RPTOR: variants seen among roughly 807,000 people sequenced by gnomAD.
RPTOR encodes regulatory associated protein of MTOR complex 1.
A neutral mutation model predicts 169.9 loss-of-function variants in RPTOR; 21 were observed. The observed-to-expected ratio is 0.12, with a 90% confidence interval of 0.09 to 0.18. RPTOR has a LOEUF of 0.18. Ranked by LOEUF, RPTOR falls within the 10% of genes least tolerant of loss-of-function variation. RPTOR has a pLI of 1.00. For missense variants in RPTOR, 1,133 were observed against 1,855.9 expected (o/e 0.61, Z 7.16); for synonymous variants, 732 against 753.2 (o/e 0.97, Z 0.46).
intron 3 of RPTOR, among the ~76,000 whole-genome samples, chr17:80,660,144 G>A (rs139087466): frequency 7.9e-5 from 12 of 152,000 alleles, no homozygotes; most frequent in African/African-American, 1.9e-4. Flanking sequence ...GGTGGTGGGC[G>A]CCTGTAATCC....
At chr17:80,723,272 T>G (rs2066302694) in intron 4 of RPTOR, among the ~76,000 whole-genome samples, 1 of 151,238 alleles carries the variant, frequency 6.6e-6, no homozygotes, top group South Asian at 2.1e-4. Flanking sequence ...ATCCTGTTTC[T>G]CCTTAAACTG....
At chr17:80,887,409 G>A (rs1004590146) in intron 17 of RPTOR, among the ~76,000 whole-genome samples, 6 of 151,872 alleles carry the variant, frequency 4.0e-5, no homozygotes, top group Non-Finnish European at 7.4e-5. Context: ...CCAGGGGTGC[G>A]CCTCCATCCT....
intron 3 of RPTOR, among the ~76,000 whole-genome samples, chr17:80,654,472 A>G (rs1003414303): frequency 1.3e-5 from 2 of 152,224 alleles, no homozygotes; most frequent in Non-Finnish European, 2.9e-5. Context: ...CCTCCGTGTA[A>G]CTGGCCCATC....
At chr17:80,862,583 C>A (rs1373577229) in intron 13 of RPTOR, among the ~76,000 whole-genome samples, 2 of 150,486 alleles carry the variant, frequency 1.3e-5, no homozygotes, top group African/African-American at 5.0e-5. Flanking sequence ...CCTCGTGTTG[C>A]TGGTGGTCCT....
rs1324036607 is a variant in RPTOR, at chr17:80,936,007, T to A, written c.2920-4489T>A. ...ATACATAACCCTCAAAATTCCATGA[T>A]AAAGGAAATAAGCAGCCCAATTAAA... On this transcript the variant is annotated intron_variant, in intron 24 of 33. Coordinates refer to ENST00000306801, the MANE Select transcript of RPTOR (RefSeq NM_020761.3). This position sits in a 1 kb window ranked among gnomAD's most constrained non-coding sequence, Gnocchi z 4.1. Among the ~76,000 whole-genome samples the A allele has an allele frequency of 6.6e-6, 1 of 152,038 alleles. No individual in the cohort carries two copies. The highest frequency in any genetic ancestry group is 2.4e-5 in the African/African-American group (1 of 41,396).
At chr17:80,806,872 A>C (rs1029434020) in intron 7 of RPTOR, among the ~76,000 whole-genome samples, 15 of 152,082 alleles carry the variant, frequency 9.9e-5, no homozygotes, top group Non-Finnish European at 1.5e-5. Flanking sequence ...TGTTGAAGAA[A>C]TAATTTTGAC....
chr17:80,821,625 CCACCT>C (rs1306240588), intron 7 of RPTOR, among the ~76,000 whole-genome samples: 3 of 152,182 alleles, frequency 2.0e-5, no homozygotes, highest in African/African-American at 7.2e-5. Context: ...CCGTCACTTG[CCACCT>C]CTAATGTGTG....
At chr17:80,640,713 A>G (rs1289991305) in intron 2 of RPTOR, among the ~76,000 whole-genome samples, 1 of 152,126 alleles carries the variant, frequency 6.6e-6, no homozygotes, top group Non-Finnish European at 1.5e-5. Flanking sequence ...CCTCCTGCCA[A>G]CACTGGGGAG....
intron 21 of RPTOR, among the ~76,000 whole-genome samples, chr17:80,913,943 T>G (rs1183985304): frequency 2.0e-5 from 3 of 152,210 alleles, no homozygotes; most frequent in Non-Finnish European, 4.4e-5. Context: ...ACTGCTTATA[T>G]TATAATTTAT....
intron 19 of RPTOR, among the ~76,000 whole-genome samples, chr17:80,893,493 G>A (rs1282888277): frequency 4.8e-5 from 7 of 147,194 alleles, no homozygotes; most frequent in South Asian, 2.2e-4. Flanking sequence ...GGGTGTGTGC[G>A]CCAGGGTGTG....
In RPTOR at chr17:80,949,468, G is replaced by T; in HGVS notation, c.3291G>T (p.Lys1097Asn). The change falls in exon 28 of 34, where the codon AAG becomes AAT. Residue 1097 changes from lysine (K) to asparagine (N), a missense_variant. Lys to Asn is a moderately conservative substitution (Grantham distance 94). Coordinates refer to ENST00000306801, the MANE Select transcript of RPTOR (RefSeq NM_020761.3). ...ACGATGGTGCCATCAGGGTCTGGAA[G>T]AATTTTGCTGATTTGGAAAAGAACC... Reference protein sequence around the residue: ...ATDDGAIRVWKNFADLEKNPE... With the variant: ...ATDDGAIRVWNNFADLEKNPE... 6.2e-7 allele frequency: 1 copy of T among 1,614,160 alleles called. No homozygotes were observed. Among genetic ancestry groups the T allele is most frequent in the Non-Finnish European group, 8.5e-7 (1 of 1,180,006 alleles).
At chr17:80,893,593 T>C (rs2068361166) in intron 19 of RPTOR, 114 bp from the exon 20 acceptor site, 1 of 1,374,410 alleles carries the variant, frequency 7.3e-7, no homozygotes, top group Admixed American at 2.2e-5. Flanking sequence ...TGTTTGTGCC[T>C]GGGTGTGCTG....
chr17:80,703,469 C>T (rs1235119252), intron 3 of RPTOR, among the ~76,000 whole-genome samples: 2 of 152,188 alleles, frequency 1.3e-5, no homozygotes, highest in African/African-American at 2.4e-5. Flanking sequence ...TCCTGATAAA[C>T]GTGAGCTCAG....
At chr17:80,561,263 G>GTATATA (rs1555713889) in intron 1 of RPTOR, among the ~76,000 whole-genome samples, 227 of 19,618 alleles carry the variant, frequency 0.012, 4 homozygotes, top group South Asian at 0.059. Context: ...ATATATATAT[G>GTATATA]TATATATATA....
intron 1 of RPTOR, among the ~76,000 whole-genome samples, chr17:80,572,726 A>G (rs7224278): frequency 0.11 from 16,241 of 152,154 alleles, 2,923 homozygotes; most frequent in African/African-American, 0.37. Flanking sequence ...CCCTCTCTCT[A>G]AAAAACCAAA....
intron 6 of RPTOR, among the ~76,000 whole-genome samples, chr17:80,766,376 G>A (rs952529741): frequency 6.6e-6 from 1 of 152,148 alleles, no homozygotes; most frequent in African/African-American, 2.4e-5. Flanking sequence ...TAGAGACAGG[G>A]TCTCTCCCTT....
At position 80,730,622 on chromosome 17, in the gene RPTOR, G is replaced by T; in HGVS notation, c.570G>T (p.Ser190=). Residue 190 remains serine, a synonymous_variant, in exon 5 of 34, where the codon TCG becomes TCT. Transcript: ENST00000306801. This position sits in a 1 kb window ranked among gnomAD's most constrained non-coding sequence, Gnocchi z 4.2. ...TGCAGACGTGGATGGGCAGCCCGTC[G>T]ATCTTCGTCTACGACTGCTCCAATG... is the stretch of plus-strand genomic sequence containing the variant. ...YDLQTWMGSP[S]IFVYDCSNAG... The T allele has an allele frequency of 6.2e-7, 1 of 1,614,074 alleles. No homozygotes were observed. The highest frequency in any genetic ancestry group is 8.5e-7 in the Non-Finnish European group (1 of 1,180,016).
chr17:80,830,902 C>T (rs190886272), intron 9 of RPTOR, among the ~76,000 whole-genome samples: 15 of 152,138 alleles, frequency 9.9e-5, no homozygotes, highest in Non-Finnish European at 1.5e-4. Flanking sequence ...AGGCACACGC[C>T]CAGCTAATTG....
At chr17:80,905,595 C>CAAAA (rs57583520) in intron 20 of RPTOR, among the ~76,000 whole-genome samples, 1 of 89,586 alleles carries the variant, frequency 1.1e-5, no homozygotes, top group Non-Finnish European at 2.4e-5. Context: ...GACTCTGTCT[C>CAAAA]AAAAAAAAAA....
Sources: allele counts gnomAD v4.1 joint callset (sites outside exome capture counted in the v4.1 genomes callset), GRCh38; gene constraint gnomAD v4.1.1; non-coding constraint Gnocchi (gnomAD v3.1); transcripts MANE v1.5; gene names NCBI Gene and HGNC (gene_info 2026-07-23, HGNC 2026-07-21).